EDARADD: variants seen among roughly 807,000 people sequenced by gnomAD.
EDARADD encodes ectodysplasin-A receptor-associated adapter protein.
EDARADD carries 20 observed loss-of-function variants against 25.6 expected under a neutral mutation model. The observed-to-expected ratio is 0.78, with a 90% confidence interval of 0.55 to 1.14. The LOEUF is 1.14. Among genes scored for constraint, EDARADD ranks in the 50% most tolerant of loss-of-function variants. The probability of loss-of-function intolerance (pLI) is 0.00; values close to 1 mark genes in which losing one functional copy is unlikely to be tolerated. For missense variants in EDARADD, 225 were observed against 270.1 expected (o/e 0.83, Z 1.17); for synonymous variants, 86 against 94.4 (o/e 0.91, Z 0.52).
intron 3 of EDARADD, among the ~76,000 whole-genome samples, chr1:236,378,547 C>T (rs931495228): frequency 6.6e-6 from 1 of 152,274 alleles, no homozygotes; most frequent in Non-Finnish European, 1.5e-5. Flanking sequence ...ACTTCTCTGA[C>T]AAATGTAAGA....
rs572303183 is a variant in EDARADD, at chr1:236,484,158, G to A, written c.*1509G>A. The A allele has an allele frequency of 1.5e-4, 195 of 1,323,876 alleles. 2 individuals carry two copies. Among genetic ancestry groups the A allele is most frequent in the South Asian group, 1.2e-3 (101 of 85,266 alleles). The allele number at this position is 1,323,876 out of a possible 1,614,324, so 82.0% of individuals were successfully genotyped here. A position where few individuals can be genotyped will look rare whatever the true frequency, so the allele number is the denominator to read the frequency against. On this transcript the variant is annotated 3_prime_UTR_variant, in exon 6 of 6. Transcript: ENST00000334232. This position sits in a 1 kb window ranked among gnomAD's most constrained non-coding sequence, Gnocchi z 4.1. ...CAACCCAAAGAGGACAGCCTCGGCC[G>A]TGAATGAGAAGAAGTGCAACTGCCT...
At chr1:236,381,826 C>G (rs1320203812) in intron 3 of EDARADD, among the ~76,000 whole-genome samples, 2 of 1,766 alleles carry the variant, frequency 1.1e-3, no homozygotes, top group Non-Finnish European at 3.0e-3. Context: ...TTTTTTTTTT[C>G]AGAGTTGGAT....
In EDARADD at chr1:236,394,315, A is replaced by T; in HGVS notation, c.-130A>T. The stretch of plus-strand genomic sequence containing the variant: ...CAAGAGGAAGTTTATCCTCCCACCT[A>T]CAAATTCCCCAGAGAGCTTTCATCT... On this transcript the variant is annotated 5_prime_UTR_variant, in exon 1 of 6. Coordinates refer to ENST00000334232, the MANE Select transcript of EDARADD (RefSeq NM_145861.4). The T allele has an allele frequency of 9.7e-7, 1 of 1,030,786 alleles. No homozygotes were observed. Among genetic ancestry groups the T allele is most frequent in the Non-Finnish European group, 1.5e-6 (1 of 668,200 alleles). The allele number at this position is 1,030,786 out of a possible 1,614,324, so 63.9% of individuals were successfully genotyped here. A position where few individuals can be genotyped will look rare whatever the true frequency, so the allele number is the denominator to read the frequency against.
intron 4 of EDARADD, among the ~76,000 whole-genome samples, chr1:236,466,437 A>G (rs1659188394): frequency 2.2e-5 from 1 of 44,834 alleles, no homozygotes; most frequent in African/African-American, 5.8e-5. Context: ...TCTCTCTCTG[A>G]TAAACACACA....
At chr1:236,371,040 C>T (rs1404370132) in intron 3 of EDARADD, among the ~76,000 whole-genome samples, 1 of 152,192 alleles carries the variant, frequency 6.6e-6, no homozygotes, top group Non-Finnish European at 1.5e-5. Flanking sequence ...AAGGCAGTTT[C>T]AATCTGAGTT....
chr1:236,405,949 A>C (rs1667726681), intron 1 of EDARADD, among the ~76,000 whole-genome samples: 2 of 100,962 alleles, frequency 2.0e-5, no homozygotes, highest in African/African-American at 8.1e-5. Flanking sequence ...TTTTCTGCTC[A>C]TTCTAATTTT....
At position 236,394,413 on chromosome 1, in the gene EDARADD, C is replaced by T. The variant is rs374105308; in HGVS notation, c.-32C>T. ...CTGTTGCTTCTTCCATGGCAAACTC[C>T]AGAGAATTAAGAAGCCAAACTCAAC... On this transcript the variant is annotated 5_prime_UTR_variant, in exon 1 of 6. Transcript: ENST00000334232. 5.6e-5 allele frequency: 91 copies of T among 1,613,178 alleles called. No homozygotes were observed. In the African/African-American group the frequency reaches 1.1e-3, roughly 19 times the overall value.
At chr1:236,455,209 TAAA>T (rs71178309) in intron 4 of EDARADD, among the ~76,000 whole-genome samples, 4 of 147,574 alleles carry the variant, frequency 2.7e-5, no homozygotes, top group East Asian at 4.0e-4. Flanking sequence ...GGCTCTGTCT[TAAA>T]AAAAAAAAAA....
intron 4 of EDARADD, among the ~76,000 whole-genome samples, chr1:236,460,197 T>TC (rs1659000928): frequency 6.6e-6 from 1 of 151,330 alleles, no homozygotes; most frequent in Non-Finnish European, 1.5e-5. Flanking sequence ...CTTTTTTTTT[T>TC]TTTTTGAGAC....
chr1:236,447,077 G>T (rs1345796776), intron 4 of EDARADD, among the ~76,000 whole-genome samples: 1 of 152,080 alleles, frequency 6.6e-6, no homozygotes, highest in African/African-American at 2.4e-5. Flanking sequence ...AAATCTCTGT[G>T]ACCCTGGGCA....
chr1:236,394,011 A>AAAC (rs1553264614), upstream of EDARADD, among the ~76,000 whole-genome samples: 1 of 150,688 alleles, frequency 6.6e-6, no homozygotes, highest in Non-Finnish European at 1.5e-5. Flanking sequence ...AAAAAAAAAA[A>AAAC]CCCTTAAAAT....
At chr1:236,433,910 A>C (rs570187968) in intron 4 of EDARADD, among the ~76,000 whole-genome samples, 3 of 151,974 alleles carry the variant, frequency 2.0e-5, no homozygotes, top group East Asian at 1.9e-4. Context: ...AAAAAAAAAA[A>C]CCCTGCAAAT....
upstream of EDARADD, among the ~76,000 whole-genome samples, chr1:236,390,443 T>C (rs969022629): frequency 1.3e-5 from 2 of 151,984 alleles, no homozygotes; most frequent in African/African-American, 4.8e-5. Context: ...TAATCCCAGC[T>C]ACAGGAGGCT....
At chr1:236,351,129 C>T (rs1023700994) in intron 3 of EDARADD, among the ~76,000 whole-genome samples, 2 of 151,874 alleles carry the variant, frequency 1.3e-5, no homozygotes, top group African/African-American at 4.8e-5. Flanking sequence ...ACGGTGAGAC[C>T]CCATCTCTAA....
intron 3 of EDARADD, among the ~76,000 whole-genome samples, chr1:236,388,779 A>T (rs1307020374): frequency 6.6e-6 from 1 of 152,224 alleles, no homozygotes; most frequent in Non-Finnish European, 1.5e-5. Flanking sequence ...ACTTGGATCC[A>T]AGTCCACCTT....
intron 4 of EDARADD, among the ~76,000 whole-genome samples, chr1:236,460,179 T>C (rs1658999447): frequency 7.2e-6 from 1 of 138,576 alleles, no homozygotes; most frequent in African/African-American, 2.6e-5. Context: ...ATTTCTTCTT[T>C]TTCTTTTCTT....
chr1:236,402,209 G>A (rs1477343919), intron 1 of EDARADD, among the ~76,000 whole-genome samples: 5 of 152,178 alleles, frequency 3.3e-5, no homozygotes, highest in Middle Eastern at 3.4e-3. Context: ...TGATCTGCCC[G>A]CCTCGGCCTC....
At chr1:236,458,641 CTTT>C (rs5781887) in intron 4 of EDARADD, among the ~76,000 whole-genome samples, 1 of 113,538 alleles carries the variant, frequency 8.8e-6, no homozygotes, top group Non-Finnish European at 1.8e-5. Flanking sequence ...TTTTCTTTTT[CTTT>C]TTTTTTTTTT....
At position 236,483,825 on chromosome 1, in the gene EDARADD, A is replaced by G; in HGVS notation, c.*1176A>G. ...GTTTGCTCCCAACATCCTGGAGAAT[A>G]AAGAAGGCCTGGAGCTGCTGAAGAC... is the stretch of plus-strand genomic sequence containing the variant. On this transcript the variant is annotated 3_prime_UTR_variant, in exon 6 of 6. Transcript: ENST00000334232. 1 of 1,436,264 alleles carries G rather than the reference A, an allele frequency of 7.0e-7. No individual in the cohort carries two copies. The highest frequency in any genetic ancestry group is 9.8e-7 in the Non-Finnish European group (1 of 1,020,138). The allele number at this position is 1,436,264 out of a possible 1,614,324, so 89.0% of individuals were successfully genotyped here.
Sources: allele counts gnomAD v4.1 joint callset (sites outside exome capture counted in the v4.1 genomes callset), GRCh38; gene constraint gnomAD v4.1.1; non-coding constraint Gnocchi (gnomAD v3.1); transcripts MANE v1.5; gene names NCBI Gene and HGNC (gene_info 2026-07-23, HGNC 2026-07-21).